The following CABIN1 variants were observed in gnomAD, a reference collection of about 807,000 sequenced individuals.
CABIN1 encodes calcineurin-binding protein cabin-1.
A neutral mutation model predicts 227.7 loss-of-function variants in CABIN1; 133 were observed. The ratio of observed to expected loss-of-function variants is 0.58; its 90% CI spans 0.51 to 0.67. The LOEUF is 0.67. CABIN1 is among the 30% of genes least tolerant of loss of function. CABIN1 has a pLI of 0.00. For synonymous variants in CABIN1, 1,086 were observed against 1,155.1 expected, an observed-to-expected ratio of 0.94 and a Z score of 1.21; for missense variants, 2,408 against 2,852.5, an observed-to-expected ratio of 0.84 and a Z score of 3.55.
At position 24,167,082 on chromosome 22, in the gene CABIN1, G is replaced by GGCAGCC; in HGVS notation, c.5451_5452insGCAGCC (p.Gln1817_Pro1818insAlaAla). The GGCAGCC allele has an allele frequency of 6.5e-7, 1 of 1,543,708 alleles. No individual in the cohort carries two copies. The highest frequency in any genetic ancestry group is 1.2e-5 in the South Asian group (1 of 83,800). ...AGCCCACCCCGCTCACCCCAGCCCA[G>GGCAGCC]CCAGCCCCCGCCCCCGCCCCCGCCA... On this transcript the variant is annotated inframe_insertion, in exon 32 of 37. Transcript: ENST00000263119.
chr22:24,089,236 T>C (rs1569196121), intron 23 of CABIN1, among the ~76,000 whole-genome samples: 1 of 152,214 alleles, frequency 6.6e-6, no homozygotes, highest in Non-Finnish European at 1.5e-5. Context: ...CATTGGCACT[T>C]GTTTGTAGAG....
chr22:24,091,970 GC>G, intron 24 of CABIN1, 127 bp downstream of exon 24: 1 of 1,089,342 alleles, frequency 9.2e-7, no homozygotes, highest in Non-Finnish European at 1.3e-6. Context: ...TCTGTGTTGA[GC>G]AGCTTCATGT....
chr22:24,128,676 C>T (rs1392620175), intron 28 of CABIN1, among the ~76,000 whole-genome samples: 1 of 152,240 alleles, frequency 6.6e-6, no homozygotes, highest in Non-Finnish European at 1.5e-5. Flanking sequence ...TCCACCACTC[C>T]TGTTTCCTCC....
At chr22:24,038,743 A>G (rs547757455) in intron 4 of CABIN1, among the ~76,000 whole-genome samples, 1 of 152,354 alleles carries the variant, frequency 6.6e-6, no homozygotes, top group South Asian at 2.1e-4. Context: ...CACTCTGCCC[A>G]GTAGCTGGGT....
Position 24,035,493 on chromosome 22 carries a change from G to A in CABIN1, c.-25G>A, listed in dbSNP as rs189271579. The A allele has an allele frequency of 8.1e-6, 13 of 1,614,148 alleles. No homozygotes were observed. Among genetic ancestry groups the A allele is most frequent in the Admixed American group, 3.3e-5 (2 of 60,028 alleles). On this transcript the variant is annotated 5_prime_UTR_variant, in exon 2 of 37. It adds an upstream start codon to the 5' untranslated region. Coordinates refer to ENST00000263119, the MANE Select transcript of CABIN1 (RefSeq NM_012295.4). ...TTGCCAGTGATGAGAAGTGATGCTC[G>A]TGGCAGTGCTGAATCTCTCTGAATA...
At chr22:24,125,447 A>G (rs1022217056) in intron 28 of CABIN1, among the ~76,000 whole-genome samples, 1 of 152,196 alleles carries the variant, frequency 6.6e-6, no homozygotes, top group Non-Finnish European at 1.5e-5. Flanking sequence ...ACTATCGTGC[A>G]GGTTAAACGA....
intron 34 of CABIN1, 55 bp downstream of exon 34, chr22:24,172,050 T>A (rs117373046): frequency 0.019 from 29,581 of 1,569,174 alleles, 340 homozygotes; most frequent in Non-Finnish European, 0.021. Flanking sequence ...CATCAAGTCC[T>A]CCCTGCGGGG....
chr22:24,130,638 C>T (rs2044016703), intron 28 of CABIN1, among the ~76,000 whole-genome samples: 1 of 152,136 alleles, frequency 6.6e-6, no homozygotes, highest in African/African-American at 2.4e-5. Context: ...GGGCCCAATA[C>T]AGTCTCTGCC....
chr22:24,059,877 G>A, intron 11 of CABIN1, 47 bp from the exon 12 acceptor site: 1 of 1,524,046 alleles, frequency 6.6e-7, no homozygotes, highest in Middle Eastern at 1.7e-4. Flanking sequence ...ACCCTGGCAT[G>A]GAAGGTACTC....
chr22:24,015,092 C>T (rs1037809045), intron 1 of CABIN1, among the ~76,000 whole-genome samples: 10 of 151,534 alleles, frequency 6.6e-5, no homozygotes, highest in Admixed American at 5.9e-4. Flanking sequence ...GGTGAAACCC[C>T]GTCTCTACTA....
rs189988931 is a variant in CABIN1, at chr22:24,137,304, G to A, written c.4746+2889G>A. ...AGCCGGCCCCTCAGATGCCTGCCCC[G>A]CAGAGCACATCCAAGTTGGCAGCCA... On this transcript the variant is annotated intron_variant, in intron 29 of 36. Transcript: ENST00000263119. Among the ~76,000 whole-genome samples the A allele has an allele frequency of 6.6e-4, 101 of 152,256 alleles. 1 individual carries two copies. Among genetic ancestry groups the A allele is most frequent in the Middle Eastern group, 6.8e-3 (2 of 294 alleles).
In CABIN1 at chr22:24,072,487, A is replaced by G. The variant is rs376272369; in HGVS notation, c.2609A>G (p.Gln870Arg). ...DTFHSLCHQQ[Q>R]LQNPAEEGMS... ...TTCCATTCTCTGTGCCACCAGCAGC[A>G]GCTCCAAAACCCAGCGGAGGAAGGT... Residue 870 changes from glutamine (Q) to arginine (R), a missense_variant, in exon 18 of 37, where the codon CAG becomes CGG. Physicochemically the swap from Gln to Arg is conservative, Grantham distance 43. This residue lies in a region of CABIN1 where 1,045 missense variants were observed against 1,168.4 expected (regional missense o/e 0.89). Coordinates refer to ENST00000263119, the MANE Select transcript of CABIN1 (RefSeq NM_012295.4). The G allele has an allele frequency of 1.2e-6, 2 of 1,614,228 alleles. No homozygotes were observed. The highest frequency in any genetic ancestry group is 1.7e-6 in the Non-Finnish European group (2 of 1,180,048).
chr22:24,085,573 A>G (rs890280403), intron 22 of CABIN1, among the ~76,000 whole-genome samples: 3 of 152,142 alleles, frequency 2.0e-5, no homozygotes, highest in African/African-American at 7.2e-5. Context: ...AGTAATAGAA[A>G]AACTCAAGCC....
Position 24,095,949 on chromosome 22 carries a change from G to A in CABIN1, c.3805G>A (p.Ala1269Thr), listed in dbSNP as rs776666337. ...EALEVYFRLH[A>T]SILKLLGKPD... ...CTCCTAGGTGTACTTTCGGCTCCAT[G>A]CTTCCATCCTGAAGCTCCTGGGGAA... Residue 1269 changes from alanine (A) to threonine (T), a missense_variant, in exon 25 of 37, where the codon GCT becomes ACT. Physicochemically the swap from Ala to Thr is moderately conservative, Grantham distance 58 (BLOSUM62 0). This residue lies in a region of CABIN1 where 649 missense variants were observed against 910.3 expected (regional missense o/e 0.71). Transcript: ENST00000263119. The A allele has an allele frequency of 1.9e-6, 3 of 1,614,092 alleles. No individual in the cohort carries two copies. The highest frequency in any genetic ancestry group is 2.5e-6 in the Non-Finnish European group (3 of 1,180,000).
Position 24,059,367 on chromosome 22 carries a change from G to T in CABIN1, c.1399+4G>T. 2 of 1,614,108 alleles carry T rather than the reference G, an allele frequency of 1.2e-6. No homozygotes were observed. The highest frequency in any genetic ancestry group is 1.7e-6 in the Non-Finnish European group (2 of 1,179,980). On this transcript the variant is annotated splice_donor_region_variant and intron_variant, in intron 11 of 36. Coordinates refer to ENST00000263119, the MANE Select transcript of CABIN1 (RefSeq NM_012295.4). ...TCAGCCACATTCATGGAATCTGGTA[G>T]GAATCGAGCAGTGTGACCATTCACT...
intron 1 of CABIN1, among the ~76,000 whole-genome samples, chr22:24,029,033 T>A (rs1316506839): frequency 6.6e-6 from 1 of 152,122 alleles, no homozygotes; most frequent in African/African-American, 2.4e-5. Context: ...TTTGTATATC[T>A]TAGGAAAAAT....
intron 18 of CABIN1, 125 bp from the exon 19 acceptor site, chr22:24,076,044 G>T: frequency 1.5e-6 from 1 of 660,986 alleles, no homozygotes. Context: ...AAAGGGAAAG[G>T]AAAAGTCTGT....
chr22:24,070,090 C>T (rs1441121802), intron 16 of CABIN1, among the ~76,000 whole-genome samples: 1 of 150,098 alleles, frequency 6.7e-6, no homozygotes, highest in South Asian at 2.1e-4. Context: ...AGGAGCTTTG[C>T]GAAAAGCAGT....
Position 24,082,085 on chromosome 22 carries a change from CTTTTT to C in CABIN1, c.2749-1126_2749-1122del, listed in dbSNP as rs71184946. 3.7e-3 allele frequency among the ~76,000 whole-genome samples: 448 copies of C among 121,180 alleles called. 4 individuals are homozygous for C. In the East Asian group the frequency reaches 0.04, roughly 11 times the overall value. The allele number at this position is 121,180 out of a possible 152,430, so 79.5% of individuals were successfully genotyped here. ...GGTCTTCCTTGATTTTATTCTCTCT[CTTTTT>C]TTTTTTTTTTTTTTTTGAGACAGGG... On this transcript the variant is annotated intron_variant, in intron 19 of 36. Coordinates refer to ENST00000263119, the MANE Select transcript of CABIN1 (RefSeq NM_012295.4).
Sources: allele counts gnomAD v4.1 joint callset (sites outside exome capture counted in the v4.1 genomes callset), GRCh38; gene constraint gnomAD v4.1.1; regional missense constraint gnomAD v4.1.1; transcripts MANE v1.5; gene names NCBI Gene and HGNC (gene_info 2026-07-23, HGNC 2026-07-21).